FAM174A: variants seen among roughly 807,000 people sequenced by gnomAD.
FAM174A encodes the protein family with sequence similarity 174 member A.
Under a neutral mutation model 14.3 loss-of-function variants are expected in FAM174A, and 14 were observed. The observed-to-expected ratio is 0.98, with a 90% CI of 0.65 to 1.53. FAM174A has a LOEUF of 1.53. Ranked by LOEUF, FAM174A falls within the 40% of genes most tolerant of loss-of-function variation. FAM174A has a pLI of 0.00. For missense variants in FAM174A, 241 were observed against 249.6 expected (o/e 0.97, Z 0.23); for synonymous variants, 108 against 111.4 (o/e 0.97, Z 0.19).
intron 1 of FAM174A, among the ~76,000 whole-genome samples, chr5:100,558,867 C>G (rs71528720): frequency 3.9e-5 from 6 of 152,102 alleles, no homozygotes; most frequent in Non-Finnish European, 8.8e-5. Flanking sequence ...ATACAGCACA[C>G]TGATGGGTCT....
chr5:100,565,413 A>G (rs1482416324), intron 2 of FAM174A, among the ~76,000 whole-genome samples: 1 of 151,846 alleles, frequency 6.6e-6, no homozygotes, highest in Non-Finnish European at 1.5e-5. Flanking sequence ...TTTATAAACC[A>G]TATATGTATA....
chr5:100,539,992 C>T (rs1024140093), intron 1 of FAM174A, among the ~76,000 whole-genome samples: 2 of 152,088 alleles, frequency 1.3e-5, no homozygotes, highest in Non-Finnish European at 2.9e-5. Flanking sequence ...TTCCTTCCCT[C>T]ATCCAAAGAT....
In FAM174A at chr5:100,535,818, C is replaced by T; in HGVS notation, c.288C>T (p.His96=). 1.9e-6 allele frequency: 3 copies of T among 1,610,582 alleles called. No homozygotes were observed. Among genetic ancestry groups the T allele is most frequent in the South Asian group, 1.1e-5 (1 of 91,014 alleles). The stretch of plus-strand genomic sequence containing the variant: ...TGGCCGGGCTTGAGACGGACGATCA[C>T]GGAGGGAAGGCCGGGGAAGGCTCGG... ...NPVAGLETDD[H]GGKAGEGSVG... Residue 96 remains histidine (H), a synonymous_variant, in exon 1 of 3, where the codon CAC becomes CAT. Coordinates refer to ENST00000312637, the MANE Select transcript of FAM174A (RefSeq NM_198507.3).
At chr5:100,541,356 A>G (rs1746046984) in intron 1 of FAM174A, among the ~76,000 whole-genome samples, 1 of 152,214 alleles carries the variant, frequency 6.6e-6, no homozygotes, top group South Asian at 2.1e-4. Context: ...ACTTCATAAC[A>G]TAACAAAAAC....
chr5:100,578,796 C>T (rs1263649269), intron 2 of FAM174A, among the ~76,000 whole-genome samples: 1 of 152,092 alleles, frequency 6.6e-6, no homozygotes, highest in African/African-American at 2.4e-5. Flanking sequence ...AGCTTAGCAG[C>T]ATGCATAGCC....
intron 2 of FAM174A, among the ~76,000 whole-genome samples, chr5:100,582,369 T>A (rs1747036440): frequency 6.6e-6 from 1 of 152,118 alleles, no homozygotes; most frequent in African/African-American, 2.4e-5. Flanking sequence ...TCAGATAAGA[T>A]GAAAAAGAGC....
chr5:100,569,829 T>C (rs1301705156), intron 2 of FAM174A, among the ~76,000 whole-genome samples: 1 of 151,694 alleles, frequency 6.6e-6, no homozygotes, highest in Admixed American at 6.6e-5. Flanking sequence ...CACATACATA[T>C]ATATGGAGAT....
At chr5:100,582,265 AG>A (rs1747034439) in intron 2 of FAM174A, among the ~76,000 whole-genome samples, 1 of 152,102 alleles carries the variant, frequency 6.6e-6, no homozygotes, top group Admixed American at 6.6e-5. Context: ...TATTTTTTAA[AG>A]GATTAAATTT....
chr5:100,557,654 G>T (rs1746422658), intron 1 of FAM174A, among the ~76,000 whole-genome samples: 1 of 152,062 alleles, frequency 6.6e-6, no homozygotes, highest in South Asian at 2.1e-4. Context: ...CTTCTTCCTG[G>T]TTTAGTCTTG....
chr5:100,550,370 C>G (rs570651653), intron 1 of FAM174A, among the ~76,000 whole-genome samples: 1 of 152,160 alleles, frequency 6.6e-6, no homozygotes, highest in Non-Finnish European at 1.5e-5. Flanking sequence ...TGGTATGTAT[C>G]TGGAAATGAT....
chr5:100,565,881 G>A (rs1238939884), intron 2 of FAM174A, among the ~76,000 whole-genome samples: 1 of 151,572 alleles, frequency 6.6e-6, no homozygotes, highest in Non-Finnish European at 1.5e-5. Context: ...AGTAGGCAAA[G>A]GAGGAGCAAA....
chr5:100,555,714 C>A (rs1169830533), intron 1 of FAM174A, among the ~76,000 whole-genome samples: 1 of 152,164 alleles, frequency 6.6e-6, no homozygotes, highest in Non-Finnish European at 1.5e-5. Flanking sequence ...TGTGTGTTGG[C>A]TGCATAAATG....
intron 1 of FAM174A, among the ~76,000 whole-genome samples, chr5:100,539,690 G>GCC (rs1034186872): frequency 1.3e-5 from 2 of 152,140 alleles, no homozygotes; most frequent in African/African-American, 4.8e-5. Context: ...TACAGGACCT[G>GCC]CCCAAACCCA....
intron 1 of FAM174A, among the ~76,000 whole-genome samples, chr5:100,538,529 GTA>G (rs374064683): frequency 3.3e-5 from 5 of 150,854 alleles, no homozygotes; most frequent in African/African-American, 7.3e-5. Flanking sequence ...ATATGTAAGT[GTA>G]TATATATATA....
intron 1 of FAM174A, among the ~76,000 whole-genome samples, chr5:100,556,300 T>C (rs1746379527): frequency 6.6e-6 from 1 of 152,202 alleles, no homozygotes; most frequent in Admixed American, 6.5e-5. Flanking sequence ...CATTGGTCTA[T>C]ATCTCTGTTT....
intron 1 of FAM174A, among the ~76,000 whole-genome samples, chr5:100,559,565 C>A (rs986684843): frequency 1.7e-4 from 26 of 152,228 alleles, no homozygotes; most frequent in Non-Finnish European, 3.4e-4. Context: ...TTCCATCCTC[C>A]CCATCACTTT....
chr5:100,575,540 T>C (rs568493376), intron 2 of FAM174A, among the ~76,000 whole-genome samples: 43 of 152,260 alleles, frequency 2.8e-4, no homozygotes, highest in Non-Finnish European at 5.4e-4. Context: ...CTGAGAATGA[T>C]GGTTTCCAGC....
chr5:100,572,469 T>C (rs958493464), intron 2 of FAM174A, among the ~76,000 whole-genome samples: 37 of 150,410 alleles, frequency 2.5e-4, no homozygotes, highest in South Asian at 4.2e-4. Context: ...ATCTCATTGT[T>C]CAGTTCCCAC....
intron 2 of FAM174A, among the ~76,000 whole-genome samples, chr5:100,573,468 T>TA (rs754225149): frequency 3.3e-5 from 5 of 152,122 alleles, no homozygotes; most frequent in Non-Finnish European, 7.4e-5. Context: ...GCTTTCTACA[T>TA]ATGGCTAGCC....
Sources: gnomAD v4.1 joint callset for allele counts (sites outside exome capture counted in the v4.1 genomes callset) on GRCh38, gnomAD v4.1.1 for gene constraint, MANE v1.5 for transcripts, NCBI Gene and HGNC (gene_info 2026-07-23, HGNC 2026-07-21) for gene names.